Variants in POU2F2 observed in about 807,000 individuals in gnomAD.
The protein encoded by POU2F2 is POU domain, class 2, transcription factor 2.
A neutral mutation model predicts 63.5 loss-of-function variants in POU2F2; 14 were observed. The observed-to-expected ratio is 0.22, with a 90% confidence interval of 0.15 to 0.34. The LOEUF (loss-of-function observed/expected upper bound fraction) is 0.34. Among genes scored for constraint, POU2F2 ranks in the 10% least tolerant of loss-of-function variants. The pLI is 1.00. For missense variants in POU2F2, 607 were observed against 815.2 expected, an observed-to-expected ratio of 0.74 and a Z score of 3.11; for synonymous variants, 306 against 348.6, an observed-to-expected ratio of 0.88 and a Z score of 1.36.
Position 42,091,555 on chromosome 19 carries a change from A to G in POU2F2, c.1577T>C (p.Leu526Pro), listed in dbSNP as rs750680599. The G allele has an allele frequency of 6.6e-5, 102 of 1,552,116 alleles. No individual in the cohort carries two copies. The highest frequency in any genetic ancestry group is 3.1e-4 in the Admixed American group (16 of 51,636). The stretch of plus-strand genomic sequence containing the variant: ...CAGCACCAGATTCCCGCTGCCATCA[A>G]GGCTGGTAAGGGGCAGGGTTCCACC... Reference protein sequence around the residue: ...ASGGTLPLTSLDGSGNLVLGA... With the variant: ...ASGGTLPLTSPDGSGNLVLGA... The change falls in exon 15 of 15, where the codon CTT (leucine) becomes CCT (proline). Residue 526 changes from leucine (L) to proline (P), a missense_variant. This residue lies in a region of POU2F2 where 270 missense variants were observed against 307.5 expected (regional missense o/e 0.88). Transcript: ENST00000692977.
upstream of POU2F2, among the ~76,000 whole-genome samples, chr19:42,178,421 G>C (rs2034922135): frequency 6.6e-6 from 1 of 152,190 alleles, no homozygotes; most frequent in African/African-American, 2.4e-5. Flanking sequence ...CACGCAAAGA[G>C]AGACAAATGA....
chr19:42,091,520 C>G lies in POU2F2; in HGVS notation c.1612G>C (p.Gly538Arg). 6.5e-7 allele frequency: 1 copy of G among 1,545,892 alleles called. No individual in the cohort carries two copies. Among genetic ancestry groups the G allele is most frequent in the Non-Finnish European group, 8.7e-7 (1 of 1,143,290 alleles). The change falls in exon 15 of 15, where the codon GGT (glycine) becomes CGT (arginine). Residue 538 changes from glycine to arginine, a missense_variant. Gly to Arg is a moderately radical substitution (Grantham distance 125, BLOSUM62 -2). Transcript: ENST00000692977. ...AGGCCAGGGCTCCCCGGGGCTGCACCGGCTGCCCCCAGCACCAGATTCCCG... is the reference window on the plus strand; with the variant it reads ...AGGCCAGGGCTCCCCGGGGCTGCACGGGCTGCCCCCAGCACCAGATTCCCG... ...GSGNLVLGAA[G>R]AAPGSPGLVT...
In POU2F2 at chr19:42,095,327, G is replaced by A; in HGVS notation, c.1156C>T (p.Leu386=). Residue 386 remains leucine (L), a synonymous_variant, in exon 11 of 15, where the codon CTG becomes TTG. Coordinates refer to ENST00000692977, the MANE Select transcript of POU2F2 (RefSeq NM_001394376.1). This position sits in a 1 kb window ranked among gnomAD's most constrained non-coding sequence, Gnocchi z 7.1. ...RINPCSAAPM[L]PSPGKPASYS... ...CTGGCCGGCTTCCCTGGGCTGGGCA[G>A]CATGGGGGCCGCACTGCAGGGGTTG... 2 of 1,613,942 alleles carry A rather than the reference G, an allele frequency of 1.2e-6. No individual in the cohort carries two copies. The highest frequency in any genetic ancestry group is 1.7e-6 in the Non-Finnish European group (2 of 1,180,002).
intron 4 of POU2F2, among the ~76,000 whole-genome samples, chr19:42,119,213 A>G (rs1225117910): frequency 1.3e-5 from 2 of 151,834 alleles, no homozygotes; most frequent in Non-Finnish European, 2.9e-5. Flanking sequence ...AAGTCAGGGT[A>G]GCAGCTATCC....
At chr19:42,172,385 G>A (rs1289664374) in intron 1 of POU2F2, among the ~76,000 whole-genome samples, 3 of 152,098 alleles carry the variant, frequency 2.0e-5, no homozygotes, top group African/African-American at 7.2e-5. Flanking sequence ...ACCATTGCCC[G>A]ATTACCTCAG....
At chr19:42,146,350 C>A (rs552402083) in intron 2 of POU2F2, among the ~76,000 whole-genome samples, 1 of 152,358 alleles carries the variant, frequency 6.6e-6, no homozygotes, top group Admixed American at 6.5e-5. Context: ...AGCAGAAACA[C>A]TGGCCTTGGA....
Position 42,089,248 on chromosome 19 carries a change from A to AGAGGAGAGAGGAAGGAGGG in POU2F2, c.*1990_*2008dup, listed in dbSNP as rs968233552. 1.6e-4 allele frequency: 25 copies of AGAGGAGAGAGGAAGGAGGG among 152,290 alleles called. No homozygotes were observed. The highest frequency in any genetic ancestry group is 6.7e-3 in the Middle Eastern group (2 of 300). 9.4% of individuals were successfully genotyped at this position (152,290 alleles called of 1,614,324 possible). ...GGAGAGAGAGGAGACAGGAAGGAGG[A>AGAGGAGAGAGGAAGGAGGG]GAGGAGAGAGGAAGGAGGGGAGGAG... On this transcript the variant is annotated 3_prime_UTR_variant, in exon 15 of 15. Transcript: ENST00000692977.
At chr19:42,177,025 G>T, upstream of POU2F2, 1 of 151,790 alleles carries the variant, frequency 6.6e-6, no homozygotes, top group South Asian at 1.9e-4. Context: ...CGGGCGGGCG[G>T]GCGGGCAGGG....
At chr19:42,174,219 C>A (rs116715162) in intron 1 of POU2F2, among the ~76,000 whole-genome samples, 155 of 152,282 alleles carry the variant, frequency 1.0e-3, no homozygotes, top group African/African-American at 3.7e-3. Context: ...AGACCCCGAG[C>A]AATAACAATA....
At chr19:42,163,320 G>A (rs1359819878) in intron 1 of POU2F2, among the ~76,000 whole-genome samples, 2 of 151,978 alleles carry the variant, frequency 1.3e-5, no homozygotes, top group Non-Finnish European at 2.9e-5. Flanking sequence ...AGAGGAGGAG[G>A]CCCACGAGAT....
In POU2F2 at chr19:42,189,995, G is replaced by A. The variant is rs558681875; in HGVS notation, c.-70+6388C>T. 5.9e-5 allele frequency among the ~76,000 whole-genome samples: 9 copies of A among 152,296 alleles called. No individual in the cohort carries two copies. The South Asian group carries it at 1.9e-3, about 32-fold the overall frequency. The stretch of plus-strand genomic sequence containing the variant: ...TCCCGCCTCAGCCTCCCAAAGTGCT[G>A]GGATTACAGGCGTAAGCCGCTGCAC... On this transcript the variant is annotated intron_variant, in intron 1 of 5. Transcript: ENST00000532176.
At chr19:42,142,235 G>A (rs1255003820) in intron 2 of POU2F2, among the ~76,000 whole-genome samples, 2 of 152,178 alleles carry the variant, frequency 1.3e-5, no homozygotes, top group Non-Finnish European at 2.9e-5. Context: ...CTGTCACCCA[G>A]GCTGGAGTGC....
In POU2F2 at chr19:42,092,018, A is replaced by C; in HGVS notation, c.1466+51T>G. The stretch of plus-strand genomic sequence containing the variant: ...CTGGGGTGCCGCTCCCCACCCTAGA[A>C]GCAGCAGCGACCCTGCTTCTCCCCA... On this transcript the variant is annotated intron_variant, in intron 13 of 14. Coordinates refer to ENST00000692977, the MANE Select transcript of POU2F2 (RefSeq NM_001394376.1). This position sits in a 1 kb window ranked among gnomAD's most constrained non-coding sequence, Gnocchi z 5.0. 3 of 1,561,468 alleles carry C rather than the reference A, an allele frequency of 1.9e-6. No individual in the cohort carries two copies. Among genetic ancestry groups the C allele is most frequent in the Non-Finnish European group, 2.6e-6 (3 of 1,152,880 alleles).
intron 1 of POU2F2, among the ~76,000 whole-genome samples, chr19:42,184,092 G>C (rs908768263): frequency 2.7e-5 from 4 of 147,588 alleles, no homozygotes; most frequent in Non-Finnish European, 5.9e-5. Context: ...CTGCCACCTC[G>C]ACCTTCTCCT....
intron 1 of POU2F2, among the ~76,000 whole-genome samples, chr19:42,129,082 C>G (rs917994610): frequency 6.6e-6 from 1 of 152,144 alleles, no homozygotes; most frequent in African/African-American, 2.4e-5. Flanking sequence ...ATCCGCCCAC[C>G]TCAGCATTCC....
Position 42,092,211 on chromosome 19 carries a change from C to T in POU2F2, c.1324G>A (p.Gly442Arg). Reference protein sequence around the residue: ...LHPSRTAGGGGGGGGAAPPLN... With the variant: ...LHPSRTAGGGRGGGGAAPPLN... ...GGGGGCGCAGCCCCGCCCCCGCCCC[C>T]ACCCCCTCCAGCTGTCCGGCTGGGG... Residue 442 changes from glycine to arginine, a missense_variant, in exon 13 of 15, where the codon GGG becomes AGG. This residue lies in a region of POU2F2 where 270 missense variants were observed against 307.5 expected (regional missense o/e 0.88). Transcript: ENST00000692977. This position sits in a 1 kb window ranked among gnomAD's most constrained non-coding sequence, Gnocchi z 5.0. The T allele has an allele frequency of 6.4e-7, 1 of 1,564,614 alleles. No individual in the cohort carries two copies. Among genetic ancestry groups the T allele is most frequent in the Non-Finnish European group, 8.6e-7 (1 of 1,156,080 alleles).
intron 2 of POU2F2, among the ~76,000 whole-genome samples, chr19:42,145,520 T>C (rs2034212691): frequency 6.6e-6 from 1 of 152,212 alleles, no homozygotes; most frequent in Non-Finnish European, 1.5e-5. Context: ...TGAAGCAAAC[T>C]CTGAGCTCTG....
At chr19:42,097,192 GTTTTTTT>G (rs778449653) in intron 7 of POU2F2, among the ~76,000 whole-genome samples, 16 of 117,758 alleles carry the variant, frequency 1.4e-4, no homozygotes, top group South Asian at 1.1e-3. Flanking sequence ...GAATTTTTCA[GTTTTTTT>G]TTTTTTTTTT....
At chr19:42,128,803 C>T (rs538624717) in intron 1 of POU2F2, among the ~76,000 whole-genome samples, 147 of 151,950 alleles carry the variant, frequency 9.7e-4, no homozygotes, top group Non-Finnish European at 1.8e-3. Context: ...GTGACTTGGG[C>T]ATCCAGATAT....
Sources: allele counts gnomAD v4.1 joint callset (sites outside exome capture counted in the v4.1 genomes callset), GRCh38; gene constraint gnomAD v4.1.1; regional missense constraint gnomAD v4.1.1; non-coding constraint Gnocchi (gnomAD v3.1); transcripts MANE v1.5; gene names NCBI Gene and HGNC (gene_info 2026-07-23, HGNC 2026-07-21).